Variants in CEP95 observed in about 807,000 individuals in gnomAD.
CEP95 encodes centrosomal protein 95.
CEP95 carries 98 observed loss-of-function variants against 111.2 expected under a neutral mutation model. The observed-to-expected ratio is 0.88, with a 90% CI of 0.75 to 1.04. The LOEUF (loss-of-function observed/expected upper bound fraction) is 1.04. Among genes scored for constraint, CEP95 ranks in the 50% least tolerant of loss-of-function variants. The pLI is 0.00. For missense variants in CEP95, 1,027 were observed against 977.2 expected, an observed-to-expected ratio of 1.05 and a Z score of -0.68; for synonymous variants, 323 against 327.1, an observed-to-expected ratio of 0.99 and a Z score of 0.14.
chr17:64,533,633 A>G (rs1968443761), intron 16 of CEP95, among the ~76,000 whole-genome samples: 1 of 152,132 alleles, frequency 6.6e-6, no homozygotes. Context: ...ACAAACCCAA[A>G]ATGGGCAGGA....
At chr17:64,520,678 CT>C (rs1967254642) in intron 6 of CEP95, 1 of 152,188 alleles carries the variant, frequency 6.6e-6, no homozygotes, top group Non-Finnish European at 1.5e-5. Context: ...AGTGATCTGC[CT>C]GCCTTGGCCT....
chr17:64,529,293 T>G lies in CEP95; in HGVS notation c.1312T>G (p.Ser438Ala), dbSNP rs377023210. The change falls in exon 12 of 20, where the codon TCC becomes GCC. Residue 438 changes from serine (S) to alanine (A), a missense_variant. Physicochemically the swap from Ser to Ala is moderately conservative, Grantham distance 99. Transcript: ENST00000556440. ...YGPKKSRPGL[S>A]MRRKPPYRSH... ...ATGTCTTTTCTCTGTTGCAGGACTT[T>G]CCATGCGTAGAAAGCCACCCTACAG... 6.2e-7 allele frequency: 1 copy of G among 1,611,974 alleles called. No homozygotes were observed. Among genetic ancestry groups the G allele is most frequent in the Non-Finnish European group, 8.5e-7 (1 of 1,179,192 alleles).
intron 3 of CEP95, among the ~76,000 whole-genome samples, chr17:64,513,077 C>T (rs1271441931): frequency 1.3e-5 from 2 of 152,142 alleles, no homozygotes; most frequent in Non-Finnish European, 2.9e-5. Flanking sequence ...TTTGAGGATG[C>T]TCTTGGGATA....
In CEP95 at chr17:64,537,681, A is replaced by G. The variant is rs1180523278; in HGVS notation, c.2368A>G (p.Asn790Asp). 5 of 1,613,504 alleles carry G rather than the reference A, an allele frequency of 3.1e-6. No individual in the cohort carries two copies. Among genetic ancestry groups the G allele is most frequent in the Admixed American group, 1.7e-5 (1 of 59,984 alleles). The change falls in exon 20 of 20, where the codon AAT (asparagine) becomes GAT (aspartate). Residue 790 changes from asparagine to aspartate, a missense_variant. Transcript: ENST00000556440. ...IQQLQDMITQNDDDVFFRELE... is the reference protein window; with the variant it reads ...IQQLQDMITQDDDDVFFRELE... ...GCAGCTGCAGGACATGATAACACAG[A>G]ATGATGATGATGTTTTCTTCCGGGA...
intron 3 of CEP95, among the ~76,000 whole-genome samples, chr17:64,512,039 G>A (rs1294349464): frequency 2.0e-5 from 3 of 152,226 alleles, no homozygotes; most frequent in Non-Finnish European, 2.9e-5. Flanking sequence ...GATAAATCAT[G>A]ATAGCTGCAT....
intron 2 of CEP95, among the ~76,000 whole-genome samples, 163 bp from the exon 3 acceptor site, chr17:64,510,010 T>C (rs2038807234): frequency 6.6e-6 from 1 of 152,220 alleles, no homozygotes; most frequent in South Asian, 2.1e-4. Context: ...GATTCTGCTG[T>C]GTAGAGTTCA....
chr17:64,519,324 C>T lies in CEP95; in HGVS notation c.477C>T (p.Cys159=). ...GTGAAGGAGGGAACTTTTCCAGGTGCTCCTTGTCTTCTGAGATGTTGGGCC... is the reference window on the plus strand; with the variant it reads ...GTGAAGGAGGGAACTTTTCCAGGTGTTCCTTGTCTTCTGAGATGTTGGGCC... The part of the protein sequence containing the change: ...SSWKRVSFGR[C]SLSSEMLGPS... The change falls in exon 6 of 20, where the codon TGC becomes TGT. Residue 159 remains cysteine, a synonymous_variant. Coordinates refer to ENST00000556440, the MANE Select transcript of CEP95 (RefSeq NM_138363.3). 3 of 1,612,958 alleles carry T rather than the reference C, an allele frequency of 1.9e-6. No homozygotes were observed. Among genetic ancestry groups the T allele is most frequent in the Non-Finnish European group, 2.5e-6 (3 of 1,179,002 alleles).
In CEP95 at chr17:64,536,601, G is replaced by A. The variant is rs1968673753; in HGVS notation, c.2071-1G>A. 6.3e-7 allele frequency: 1 copy of A among 1,588,474 alleles called. No homozygotes were observed. The highest frequency in any genetic ancestry group is 8.5e-7 in the Non-Finnish European group (1 of 1,170,292). ...TATTTTTACGATTAAATAACTGACA[G>A]ATATTTAAGAAACTGTTTGAAGAAG... On this transcript the variant is annotated splice_acceptor_variant, in intron 17 of 19. Transcript: ENST00000556440. LOFTEE classifies it high-confidence loss of function.
At chr17:64,517,736 ATT>A (rs1568131947) in intron 5 of CEP95, among the ~76,000 whole-genome samples, 1 of 133,320 alleles carries the variant, frequency 7.5e-6, no homozygotes, top group African/African-American at 2.9e-5. Context: ...ATCTTGCTAT[ATT>A]GACCAGGCTG....
intron 8 of CEP95, among the ~76,000 whole-genome samples, chr17:64,524,768 C>G (rs576183154): frequency 2.6e-5 from 4 of 151,494 alleles, no homozygotes; most frequent in Non-Finnish European, 5.9e-5. Flanking sequence ...GTCAGGAGTT[C>G]AAGACCAGCC....
chr17:64,507,011 A>T lies in CEP95; in HGVS notation c.-87A>T. On this transcript the variant is annotated 5_prime_UTR_variant, in exon 1 of 20. Coordinates refer to ENST00000556440, the MANE Select transcript of CEP95 (RefSeq NM_138363.3). Reference sequence around the variant, plus strand: ...GCTTTGGTTCGTGCGTCCGCGCCCCAGTGTCGGGTCTGCGTGGATCGGTCC... The same window carrying T: ...GCTTTGGTTCGTGCGTCCGCGCCCCTGTGTCGGGTCTGCGTGGATCGGTCC... 6.8e-7 allele frequency: 1 copy of T among 1,479,270 alleles called. No individual in the cohort carries two copies. The highest frequency in any genetic ancestry group is 9.2e-7 in the Non-Finnish European group (1 of 1,081,952). 91.6% of individuals were successfully genotyped at this position (1,479,270 alleles called of 1,614,324 possible).
At position 64,521,470 on chromosome 17, in the gene CEP95, G is replaced by T; in HGVS notation, c.658G>T (p.Asp220Tyr). The change falls in exon 7 of 20, where the codon GAT (aspartate) becomes TAT (tyrosine). Residue 220 changes from aspartate (D) to tyrosine (Y), a missense_variant. By Grantham distance (160) the Asp-to-Tyr change is radical. Coordinates refer to ENST00000556440, the MANE Select transcript of CEP95 (RefSeq NM_138363.3). ...LASPSSKSHEDMLYPPSVLSK... is the reference protein window; with the variant it reads ...LASPSSKSHEYMLYPPSVLSK... ...CTCACCAAGTTCTAAATCACATGAA[G>T]ATATGTTGTACCCTCCTAGTGTTTT... 2.5e-6 allele frequency: 4 copies of T among 1,612,850 alleles called. No individual in the cohort carries two copies. Among genetic ancestry groups the T allele is most frequent in the Non-Finnish European group, 3.4e-6 (4 of 1,179,062 alleles).
Position 64,507,817 on chromosome 17 carries a change from A to G in CEP95, c.19+701A>G, listed in dbSNP as rs781860978. 1.0e-4 allele frequency: 101 copies of G among 985,290 alleles called. 1 individual carries two copies. The highest frequency in any genetic ancestry group is 2.8e-4 in the South Asian group (6 of 21,300). The allele number at this position is 985,290 out of a possible 1,614,324, so 61.0% of individuals were successfully genotyped here. A position where few individuals can be genotyped will look rare whatever the true frequency, so the allele number is the denominator to read the frequency against. ...CATAGTGGAGATGTTTGTTTCTAAT[A>G]CCGATTGAAAGTGCTTTCCTACCAA... On this transcript the variant is annotated intron_variant, in intron 1 of 19. Coordinates refer to ENST00000556440, the MANE Select transcript of CEP95 (RefSeq NM_138363.3).
chr17:64,525,290 C>T (rs943531516), intron 8 of CEP95, among the ~76,000 whole-genome samples: 1 of 151,914 alleles, frequency 6.6e-6, no homozygotes, highest in African/African-American at 2.4e-5. Flanking sequence ...CAAGCCATTG[C>T]ACTCCAGCCT....
intron 8 of CEP95, among the ~76,000 whole-genome samples, chr17:64,524,054 T>G (rs1452707519): frequency 6.6e-6 from 1 of 152,162 alleles, no homozygotes; most frequent in East Asian, 1.9e-4. Context: ...TTCTCAACAT[T>G]CTGTGCATCT....
intron 5 of CEP95, among the ~76,000 whole-genome samples, chr17:64,517,860 T>G (rs1966995356): frequency 6.6e-6 from 1 of 151,938 alleles, no homozygotes; most frequent in Admixed American, 6.6e-5. Context: ...AAACTTAACA[T>G]TAAGTGTTCT....
chr17:64,506,972 G>T, upstream of CEP95: 5 of 1,040,976 alleles, frequency 4.8e-6, no homozygotes, highest in East Asian at 2.6e-5. Flanking sequence ...CTTCTTTCAC[G>T]CCTCCTTCCC....
At chr17:64,526,516 T>TG (rs1967835847) in intron 10 of CEP95, among the ~76,000 whole-genome samples, 1 of 152,234 alleles carries the variant, frequency 6.6e-6, no homozygotes, top group Non-Finnish European at 1.5e-5. Context: ...AAGACAGATC[T>TG]GGTATAAAAT....
At chr17:64,532,791 A>G in intron 14 of CEP95, 48 bp from the exon 15 acceptor site, 2 of 1,569,958 alleles carry the variant, frequency 1.3e-6, no homozygotes, top group Non-Finnish European at 8.6e-7. Context: ...GTTGGATGAC[A>G]GTTCTTGTCC....
Sources: allele counts gnomAD v4.1 joint callset (sites outside exome capture counted in the v4.1 genomes callset), GRCh38; gene constraint gnomAD v4.1.1; transcripts MANE v1.5; gene names NCBI Gene and HGNC (gene_info 2026-07-23, HGNC 2026-07-21).